The following ST6GALNAC3 variants were observed in gnomAD, a reference collection of about 807,000 sequenced individuals.
ST6GALNAC3 encodes the protein alpha-N-acetylgalactosaminide alpha-2,6-sialyltransferase 3.
ST6GALNAC3 carries 25 observed loss-of-function variants against 32.7 expected under a neutral mutation model. That is an observed-to-expected ratio of 0.76 (90% CI 0.56 to 1.07). ST6GALNAC3 has a LOEUF of 1.07. ST6GALNAC3 is among the 50% of genes least tolerant of loss of function. The pLI is 0.00. For synonymous variants in ST6GALNAC3, 129 were observed against 133.1 expected, an observed-to-expected ratio of 0.97 and a Z score of 0.21; for missense variants, 355 against 382.4, an observed-to-expected ratio of 0.93 and a Z score of 0.60.
At chr1:76,327,776 A>G (rs973639987) in intron 2 of ST6GALNAC3, among the ~76,000 whole-genome samples, 66 of 152,092 alleles carry the variant, frequency 4.3e-4, no homozygotes, top group Middle Eastern at 3.4e-3. Context: ...TTTTAGTAGA[A>G]ACAGGGTTTC....
intron 3 of ST6GALNAC3, among the ~76,000 whole-genome samples, chr1:76,576,395 T>C (rs934983086): frequency 1.3e-5 from 2 of 152,026 alleles, no homozygotes; most frequent in Non-Finnish European, 2.9e-5. Context: ...AAAATGCAAT[T>C]TGGCTTTCAT....
intron 1 of ST6GALNAC3, among the ~76,000 whole-genome samples, chr1:76,262,798 G>T (rs1214311243): frequency 1.3e-5 from 2 of 152,170 alleles, no homozygotes; most frequent in African/African-American, 4.8e-5. Flanking sequence ...TGTCCCTGGA[G>T]ATTGGAAACA....
chr1:76,510,403 G>A (rs1661776705), intron 3 of ST6GALNAC3, among the ~76,000 whole-genome samples: 1 of 152,090 alleles, frequency 6.6e-6, no homozygotes, highest in Admixed American at 6.5e-5. Flanking sequence ...CACAGCCTTT[G>A]CAGTCTAGAA....
chr1:76,450,343 A>G (rs1356697971), intron 3 of ST6GALNAC3, among the ~76,000 whole-genome samples: 1 of 152,052 alleles, frequency 6.6e-6, no homozygotes, highest in Non-Finnish European at 1.5e-5. Flanking sequence ...GTGATTTTTT[A>G]AAATATGTTT....
At chr1:76,473,092 G>T (rs1659138265) in intron 3 of ST6GALNAC3, among the ~76,000 whole-genome samples, 1 of 152,084 alleles carries the variant, frequency 6.6e-6, no homozygotes, top group South Asian at 2.1e-4. Context: ...GGCTAAGAAT[G>T]CATGTCTTTG....
chr1:76,576,704 C>A (rs1646814445), intron 3 of ST6GALNAC3: 3 of 530,934 alleles, frequency 5.7e-6, no homozygotes, highest in Non-Finnish European at 9.1e-6. Context: ...AGAAAAAATG[C>A]CAGAGGAAAA....
rs571559929 is a variant in ST6GALNAC3 at position 76,133,259 on chromosome 1, C to T, written c.18+58375C>T. ...GAAATTGAGCACATTTCCATGGTTT[C>T]ATCTTCAGGGACACCATTAGTCCTT... On this transcript the variant is annotated intron_variant, in intron 1 of 4. Transcript: ENST00000328299. Among the ~76,000 whole-genome samples the T allele has an allele frequency of 2.6e-5, 4 of 152,282 alleles. No individual in the cohort carries two copies. In the South Asian group the frequency reaches 8.3e-4, roughly 32 times the overall value.
rs766312082 is a variant in ST6GALNAC3, at chr1:76,419,182, G to A, written c.623+6765G>A. ...TATTTTAAAGCAAAAAGCTGTGCAG[G>A]ACATCAGTGGTTGTGGAAATCAAGA... On this transcript the variant is annotated intron_variant, in intron 3 of 4. Transcript: ENST00000328299. Among the ~76,000 whole-genome samples the A allele has an allele frequency of 3.3e-5, 5 of 152,060 alleles. No homozygotes were observed. The South Asian group carries it at 6.2e-4, about 19-fold the overall frequency.
At chr1:76,524,714 GTTTTT>G (rs199723434) in intron 3 of ST6GALNAC3, among the ~76,000 whole-genome samples, 1 of 140,146 alleles carries the variant, frequency 7.1e-6, no homozygotes, top group Admixed American at 7.2e-5. Flanking sequence ...AAATATTTCA[GTTTTT>G]TTTTTTTTTT....
intron 1 of ST6GALNAC3, among the ~76,000 whole-genome samples, chr1:76,128,634 A>G (rs762638219): frequency 1.3e-5 from 2 of 152,178 alleles, no homozygotes; most frequent in Non-Finnish European, 2.9e-5. Context: ...CCAACAGAAC[A>G]AACAGCTCCC....
intron 3 of ST6GALNAC3, among the ~76,000 whole-genome samples, chr1:76,420,903 G>A (rs756449128): frequency 4.9e-4 from 74 of 152,002 alleles, no homozygotes; most frequent in Non-Finnish European, 9.6e-4. Context: ...CCTGAAAATC[G>A]TAGGGTTATG....
At chr1:76,287,685 G>A (rs1431968239) in intron 1 of ST6GALNAC3, among the ~76,000 whole-genome samples, 1 of 152,170 alleles carries the variant, frequency 6.6e-6, no homozygotes, top group Admixed American at 6.5e-5. Context: ...ACTGTCATGT[G>A]AGAAATGTGC....
At chr1:76,315,493 A>G (rs147749569) in intron 2 of ST6GALNAC3, among the ~76,000 whole-genome samples, 1 of 152,288 alleles carries the variant, frequency 6.6e-6, no homozygotes, top group African/African-American at 2.4e-5. Flanking sequence ...GGATGCAGTT[A>G]TTTAATTAGT....
chr1:76,606,404 T>C (rs1245609410), intron 3 of ST6GALNAC3, among the ~76,000 whole-genome samples: 1 of 152,154 alleles, frequency 6.6e-6, no homozygotes, highest in Admixed American at 6.5e-5. Context: ...AATGAGATCA[T>C]GTCCCTTGCA....
intron 3 of ST6GALNAC3, among the ~76,000 whole-genome samples, chr1:76,465,340 A>T (rs887503077): frequency 1.3e-5 from 2 of 152,124 alleles, no homozygotes; most frequent in East Asian, 3.9e-4. Context: ...ACATTATTCC[A>T]TTGGAAACAA....
chr1:76,183,792 T>C (rs12089339), intron 1 of ST6GALNAC3, among the ~76,000 whole-genome samples: 28,265 of 148,154 alleles, frequency 0.19, 2,832 homozygotes, highest in African/African-American at 0.21. Flanking sequence ...TATGGTATTA[T>C]AGTCTTATGG....
At chr1:76,394,948 G>A (rs537287570) in intron 2 of ST6GALNAC3, among the ~76,000 whole-genome samples, 5 of 152,172 alleles carry the variant, frequency 3.3e-5, no homozygotes, top group Non-Finnish European at 7.4e-5. Flanking sequence ...AACCTGTTTT[G>A]TGAAATGAAA....
chr1:76,192,892 A>G (rs964893069), intron 1 of ST6GALNAC3, among the ~76,000 whole-genome samples: 2 of 152,092 alleles, frequency 1.3e-5, no homozygotes, highest in African/African-American at 4.8e-5. Flanking sequence ...GGAATTGGGG[A>G]ACTGGGGACT....
intron 1 of ST6GALNAC3, among the ~76,000 whole-genome samples, chr1:76,081,352 T>C (rs956107330): frequency 1.3e-5 from 2 of 150,308 alleles, no homozygotes; most frequent in Non-Finnish European, 3.0e-5. Context: ...TGTTTACAAA[T>C]TTGTGTTGGG....
Sources: gnomAD v4.1 joint callset for allele counts (sites outside exome capture counted in the v4.1 genomes callset) on GRCh38, gnomAD v4.1.1 for gene constraint, MANE v1.5 for transcripts, NCBI Gene and HGNC (gene_info 2026-07-23, HGNC 2026-07-21) for gene names.